The following GHR variants were observed in gnomAD, a reference collection of about 807,000 sequenced individuals.
GHR encodes the protein GH receptor.
GHR carries 35 observed loss-of-function variants against 67.1 expected under a neutral mutation model. That is an observed-to-expected ratio of 0.52 (90% CI 0.40 to 0.69). The LOEUF (loss-of-function observed/expected upper bound fraction) is 0.69. Ranked by LOEUF, GHR falls within the 30% of genes least tolerant of loss-of-function variation. The pLI, the probability that GHR is intolerant of heterozygous loss-of-function variation, is 0.00. For synonymous variants in GHR, 272 were observed against 269.1 expected (o/e 1.01, Z -0.10); for missense variants, 792 against 764.6 (o/e 1.04, Z -0.42).
intron 7 of GHR, among the ~76,000 whole-genome samples, chr5:42,711,774 T>C (rs1758472158): frequency 1.3e-5 from 2 of 152,062 alleles, no homozygotes; most frequent in Admixed American, 1.3e-4. Context: ...TCTATATGGA[T>C]GGATAGATAT....
intron 1 of GHR, among the ~76,000 whole-genome samples, chr5:42,489,926 C>CT (rs1187331686): frequency 6.6e-6 from 1 of 151,870 alleles, no homozygotes; most frequent in Non-Finnish European, 1.5e-5. Context: ...AATATCCTCC[C>CT]TTTTTTTCTG....
At chr5:42,574,999 T>A (rs1350178747) in intron 2 of GHR, among the ~76,000 whole-genome samples, 1 of 152,166 alleles carries the variant, frequency 6.6e-6, no homozygotes, top group Non-Finnish European at 1.5e-5. Context: ...TACAGTTGGT[T>A]GATAGAAGCT....
At chr5:42,426,517 A>G (rs1876791) in intron 1 of GHR, among the ~76,000 whole-genome samples, 2,552 of 152,352 alleles carry the variant, frequency 0.017, 34 homozygotes, top group Middle Eastern at 0.037. Context: ...AGCAATTTTT[A>G]AAAAGTATGT....
intron 1 of GHR, chr5:42,514,270 C>T (rs933421902): frequency 2.0e-5 from 20 of 985,050 alleles, no homozygotes; most frequent in Non-Finnish European, 2.2e-5. Context: ...AAGGTCACCT[C>T]TTTGGATTGG....
At chr5:42,480,048 A>G (rs1357551915) in intron 1 of GHR, among the ~76,000 whole-genome samples, 1 of 151,984 alleles carries the variant, frequency 6.6e-6, no homozygotes, top group African/African-American at 2.4e-5. Context: ...CCCTCTGCAC[A>G]CTGCTTTGAA....
intron 1 of GHR, among the ~76,000 whole-genome samples, chr5:42,430,362 A>G (rs562761090): frequency 6.6e-5 from 10 of 152,124 alleles, no homozygotes; most frequent in Non-Finnish European, 1.3e-4. Context: ...ACACACACAC[A>G]TACACACACA....
intron 2 of GHR, among the ~76,000 whole-genome samples, chr5:42,568,078 A>G (rs1326216559): frequency 6.6e-6 from 1 of 152,204 alleles, no homozygotes; most frequent in East Asian, 1.9e-4. Context: ...TTGATGGGTA[A>G]GTGATCTTGG....
intron 1 of GHR, among the ~76,000 whole-genome samples, chr5:42,484,439 A>G (rs569329628): frequency 8.3e-4 from 127 of 152,344 alleles, no homozygotes; most frequent in Non-Finnish European, 1.4e-3. Context: ...ATTTTCCAGA[A>G]GAGGGAGGTA....
At position 42,423,591 on chromosome 5, in the gene GHR, T is replaced by C. The variant is rs553751558; in HGVS notation, c.-376T>C. 2.4e-4 allele frequency among the ~76,000 whole-genome samples: 37 copies of C among 152,244 alleles called. No homozygotes were observed. The East Asian group carries it at 7.0e-3, about 29-fold the overall frequency. On this transcript the variant is annotated 5_prime_UTR_variant, in exon 1 of 10. Transcript: ENST00000230882. ...CCGCTTCGCCTTCGCTTCTGCAACC[T>C]GGATCTGGGGGACTGCGGGCCAGGC...
At chr5:42,660,560 A>C (rs542748183) in intron 3 of GHR, among the ~76,000 whole-genome samples, 1 of 152,202 alleles carries the variant, frequency 6.6e-6, no homozygotes, top group Non-Finnish European at 1.5e-5. Context: ...CCTGTCTGTT[A>C]GAAGGAAAAC....
intron 1 of GHR, among the ~76,000 whole-genome samples, chr5:42,478,980 T>C (rs1185323837): frequency 3.3e-5 from 5 of 152,158 alleles, no homozygotes; most frequent in South Asian, 2.1e-4. Context: ...AAAGGGAATG[T>C]TTCCAGTTTT....
At chr5:42,679,174 T>A (rs191365826) in intron 3 of GHR, among the ~76,000 whole-genome samples, 1,704 of 142,134 alleles carry the variant, frequency 0.012, 43 homozygotes, top group African/African-American at 0.041. Context: ...ATTAATATAT[T>A]ATATATTGTA....
intron 2 of GHR, among the ~76,000 whole-genome samples, chr5:42,605,397 C>A (rs1275611453): frequency 1.3e-5 from 2 of 152,078 alleles, no homozygotes. Context: ...AGAGCCACCG[C>A]GCCCGGCCTG....
At chr5:42,629,192 G>A in intron 3 of GHR, 89 bp downstream of exon 3, 1 of 762,514 alleles carries the variant, frequency 1.3e-6, no homozygotes, top group South Asian at 1.5e-5. Context: ...TTTTATTTGG[G>A]ATGGTAGTAA....
intron 1 of GHR, among the ~76,000 whole-genome samples, chr5:42,506,162 T>C (rs1042997314): frequency 6.6e-6 from 1 of 152,226 alleles, no homozygotes; most frequent in African/African-American, 2.4e-5. Context: ...TCTTGTTTCC[T>C]AGATCCTAGG....
At chr5:42,445,305 G>T (rs577216817) in intron 1 of GHR, among the ~76,000 whole-genome samples, 1 of 152,278 alleles carries the variant, frequency 6.6e-6, no homozygotes, top group African/African-American at 2.4e-5. Flanking sequence ...TATTGCTAAT[G>T]CACATTATGA....
At chr5:42,436,118 C>T (rs899086685) in intron 1 of GHR, among the ~76,000 whole-genome samples, 1 of 152,180 alleles carries the variant, frequency 6.6e-6, no homozygotes, top group Non-Finnish European at 1.5e-5. Context: ...TACACTGTGC[C>T]TAGCATTGTG....
chr5:42,720,011 T>G lies in GHR; in HGVS notation c.*587T>G, dbSNP rs1253400005. The G allele has an allele frequency of 5.6e-6, 1 of 180,100 alleles. No homozygotes were observed. The highest frequency in any genetic ancestry group is 2.4e-5 in the African/African-American group (1 of 41,654). 11.2% of individuals were successfully genotyped at this position (180,100 alleles called of 1,614,324 possible). A position where few individuals can be genotyped will look rare whatever the true frequency, so the allele number is the denominator to read the frequency against. On this transcript the variant is annotated 3_prime_UTR_variant, in exon 10 of 10. Coordinates refer to ENST00000230882, the MANE Select transcript of GHR (RefSeq NM_000163.5). ...CAAGCATGGCTATTTTATATTACACTACACACTGTGTACTGCAGTTGGTAT... is the reference window on the plus strand; with the variant it reads ...CAAGCATGGCTATTTTATATTACACGACACACTGTGTACTGCAGTTGGTAT...
At chr5:42,444,170 T>C (rs1258300004) in intron 1 of GHR, among the ~76,000 whole-genome samples, 6 of 152,212 alleles carry the variant, frequency 3.9e-5, no homozygotes, top group African/African-American at 1.4e-4. Context: ...CTGTGTAGAA[T>C]ATAGAAATTA....
Sources: allele counts gnomAD v4.1 joint callset (sites outside exome capture counted in the v4.1 genomes callset), GRCh38; gene constraint gnomAD v4.1.1; transcripts MANE v1.5; gene names NCBI Gene and HGNC (gene_info 2026-07-23, HGNC 2026-07-21).